MAST4: variants seen among roughly 807,000 people sequenced by gnomAD.
The protein encoded by MAST4 is microtubule associated serine/threonine kinase family member 4.
A neutral mutation model predicts 162.7 loss-of-function variants in MAST4; 89 were observed. The observed-to-expected ratio is 0.55, with a 90% confidence interval of 0.46 to 0.65. The LOEUF is 0.65. Among genes scored for constraint, MAST4 ranks in the 30% least tolerant of loss-of-function variants. The pLI is 0.00. For synonymous variants in MAST4, 1,479 were observed against 1,361.1 expected (o/e 1.09, Z -1.91); for missense variants, 3,153 against 3,374.0 (o/e 0.93, Z 1.62).
intron 4 of MAST4, among the ~76,000 whole-genome samples, chr5:67,042,220 C>T (rs1372644012): frequency 6.6e-6 from 1 of 152,138 alleles, no homozygotes. Context: ...GCTCTGTTTG[C>T]CACTAATTGG....
chr5:66,626,697 A>G (rs1024952668), intron 1 of MAST4, among the ~76,000 whole-genome samples: 5 of 152,216 alleles, frequency 3.3e-5, no homozygotes, highest in African/African-American at 1.2e-4. Context: ...TTATCTCATT[A>G]GAGAGTTATA....
intron 3 of MAST4, among the ~76,000 whole-genome samples, chr5:66,874,364 GA>G (rs142515956): frequency 0.012 from 1,758 of 152,336 alleles, 34 homozygotes; most frequent in African/African-American, 0.04. Context: ...CTGGTGGACA[GA>G]AGGGAACACG....
intron 4 of MAST4, among the ~76,000 whole-genome samples, chr5:66,937,051 G>C (rs896358762): frequency 6.6e-6 from 1 of 152,132 alleles, no homozygotes; most frequent in African/African-American, 2.4e-5. Context: ...TCACTCATTG[G>C]AGGTGGAAGG....
At chr5:67,090,257 A>G (rs937033816) in intron 6 of MAST4, 26 bp downstream of exon 6, 11 of 1,564,078 alleles carry the variant, frequency 7.0e-6, no homozygotes, top group Non-Finnish European at 9.7e-6. Context: ...GAGTGGAGGC[A>G]TAAGGTCTTA....
chr5:66,966,081 C>T lies in MAST4; in HGVS notation c.674+66099C>T, dbSNP rs556335437. ...ATTCCATTTAATCCACCCAACACTA[C>T]GTGAGACAGAAATGAATATTGCCTT... On this transcript the variant is annotated intron_variant, in intron 4 of 28. Transcript: ENST00000403625. Among the ~76,000 whole-genome samples the T allele has an allele frequency of 8.7e-4, 132 of 152,294 alleles. 1 individual carries two copies. The highest frequency in any genetic ancestry group is 3.0e-3 in the African/African-American group (126 of 41,554).
chr5:66,860,798 A>C (rs1760057608), intron 3 of MAST4, among the ~76,000 whole-genome samples: 1 of 151,172 alleles, frequency 6.6e-6, no homozygotes, highest in Non-Finnish European at 1.5e-5. Flanking sequence ...AAACAAACCA[A>C]GTTTGTTCAT....
chr5:66,764,327 G>A (rs757044470), intron 2 of MAST4, among the ~76,000 whole-genome samples: 24 of 152,158 alleles, frequency 1.6e-4, no homozygotes, highest in South Asian at 4.1e-4. Flanking sequence ...CTCCTGTACA[G>A]GCACATTTCA....
intron 4 of MAST4, among the ~76,000 whole-genome samples, chr5:66,926,877 C>G (rs1453298689): frequency 3.9e-5 from 6 of 151,938 alleles, no homozygotes; most frequent in African/African-American, 9.7e-5. Context: ...GAATAATTAC[C>G]AAATTTACAT....
chr5:66,610,790 A>G (rs1046896863), intron 1 of MAST4, among the ~76,000 whole-genome samples: 3 of 152,238 alleles, frequency 2.0e-5, no homozygotes, highest in Non-Finnish European at 4.4e-5. Flanking sequence ...CCACACATTC[A>G]GCCTTCACTC....
chr5:67,034,573 C>T (rs567225775), intron 4 of MAST4, among the ~76,000 whole-genome samples: 1 of 152,294 alleles, frequency 6.6e-6, no homozygotes, highest in African/African-American at 2.4e-5. Flanking sequence ...GTCCATCTCA[C>T]TAACCCCAGG....
At chr5:67,127,618 G>C (rs546676975) in intron 14 of MAST4, among the ~76,000 whole-genome samples, 15 of 152,122 alleles carry the variant, frequency 9.9e-5, no homozygotes, top group African/African-American at 3.6e-4. Flanking sequence ...GACAACATTT[G>C]TATATCAGTG....
intron 3 of MAST4, among the ~76,000 whole-genome samples, chr5:66,866,408 C>T (rs573913711): frequency 7.9e-5 from 12 of 152,162 alleles, no homozygotes; most frequent in African/African-American, 2.9e-4. Context: ...AAAATGTGCT[C>T]TACTTCTAAA....
At chr5:66,613,055 T>C (rs952881376) in intron 1 of MAST4, among the ~76,000 whole-genome samples, 17 of 152,196 alleles carry the variant, frequency 1.1e-4, no homozygotes, top group African/African-American at 4.1e-4. Flanking sequence ...TGTATCTTGC[T>C]AGGTAATTAA....
At chr5:66,720,031 C>CTT (rs2149536776) in intron 1 of MAST4, among the ~76,000 whole-genome samples, 1 of 152,270 alleles carries the variant, frequency 6.6e-6, no homozygotes, top group African/African-American at 2.4e-5. Context: ...AATACTGCAG[C>CTT]TAATGCTTAT....
intron 16 of MAST4, 113 bp from the exon 17 acceptor site, chr5:67,133,401 C>T (rs1769235424): frequency 1.7e-6 from 2 of 1,184,792 alleles, no homozygotes. Flanking sequence ...TTGTAATAAG[C>T]TTGATGCCCA....
chr5:67,019,342 T>G (rs1389269731), intron 4 of MAST4, among the ~76,000 whole-genome samples: 1 of 152,170 alleles, frequency 6.6e-6, no homozygotes, highest in Non-Finnish European at 1.5e-5. Flanking sequence ...GGCTCACATT[T>G]CAGGTCCTGT....
intron 1 of MAST4, among the ~76,000 whole-genome samples, chr5:66,618,264 AG>A (rs1442294475): frequency 5.9e-5 from 9 of 152,214 alleles, no homozygotes; most frequent in African/African-American, 1.9e-4. Context: ...GGTGCAGGGT[AG>A]TAGCCCCATT....
chr5:66,891,175 G>GA (rs1281406111), intron 3 of MAST4, among the ~76,000 whole-genome samples: 1 of 152,070 alleles, frequency 6.6e-6, no homozygotes, highest in East Asian at 1.9e-4. Context: ...CTTAACTTCC[G>GA]AAAGGCCCTC....
chr5:66,638,229 G>T (rs1745249092), intron 1 of MAST4, among the ~76,000 whole-genome samples: 1 of 152,270 alleles, frequency 6.6e-6, no homozygotes, highest in East Asian at 1.9e-4. Context: ...CTTTGGCAGT[G>T]GTGTTCCCAG....
Sources: gnomAD v4.1 joint callset for allele counts (sites outside exome capture counted in the v4.1 genomes callset) on GRCh38, gnomAD v4.1.1 for gene constraint, MANE v1.5 for transcripts, NCBI Gene and HGNC (gene_info 2026-07-23, HGNC 2026-07-21) for gene names.